The following PSEN1 variants were observed in gnomAD, a reference collection of about 807,000 sequenced individuals.
PSEN1 encodes the protein presenilin-1.
Under a neutral mutation model 53.5 loss-of-function variants are expected in PSEN1, and 15 were observed. The observed-to-expected ratio is 0.28, with a 90% confidence interval of 0.19 to 0.43. The LOEUF (loss-of-function observed/expected upper bound fraction) is 0.43, where lower values mean the gene tolerates loss of function less well. PSEN1 is among the 20% of genes least tolerant of loss of function. The probability of loss-of-function intolerance (pLI) is 1.00; values close to 1 mark genes in which losing one functional copy is unlikely to be tolerated. For missense variants in PSEN1, 387 were observed against 571.2 expected (o/e 0.68, Z 3.29); for synonymous variants, 208 against 209.8 (o/e 0.99, Z 0.08).
Position 73,140,807 on chromosome 14 carries a change from T to C in PSEN1, c.-136+4224T>C, listed in dbSNP as rs993322534. On this transcript the variant is annotated intron_variant, in intron 1 of 11. Transcript: ENST00000324501. ...TTTTATTGCATTTTCTGAGCCAACA[T>C]AACCATTATTTAAAAACAAGTTGCT... Among the ~76,000 whole-genome samples the C allele has an allele frequency of 2.6e-5, 4 of 152,314 alleles. No individual in the cohort carries two copies. In the East Asian group the frequency reaches 7.7e-4, roughly 29 times the overall value.
intron 6 of PSEN1, among the ~76,000 whole-genome samples, chr14:73,187,268 A>G (rs1375709174): frequency 6.6e-6 from 1 of 152,194 alleles, no homozygotes; most frequent in Admixed American, 6.5e-5. Flanking sequence ...ATACTTCTAT[A>G]TTGTTTTTTA....
At chr14:73,164,971 T>C (rs1897664449) in intron 3 of PSEN1, among the ~76,000 whole-genome samples, 1 of 152,234 alleles carries the variant, frequency 6.6e-6, no homozygotes, top group African/African-American at 2.4e-5. Flanking sequence ...TTTTGTTTTT[T>C]TTTGAGACGG....
intron 1 of PSEN1, among the ~76,000 whole-genome samples, chr14:73,142,066 CAA>C (rs763426257): frequency 2.7e-4 from 23 of 83,844 alleles, no homozygotes; most frequent in Admixed American, 2.6e-4. Context: ...GACTCCGTCT[CAA>C]AAAAAAAAAA....
rs398043836 is a variant in PSEN1, at chr14:73,212,088, C to CTT, written c.1129+186_1129+187dup. The CTT allele has an allele frequency of 1.8e-4, 13 of 70,568 alleles. 1 individual carries two copies. The highest frequency in any genetic ancestry group is 2.9e-4 in the Non-Finnish European group (11 of 37,888). The allele number at this position is 70,568 out of a possible 1,614,324, so 4.4% of individuals were successfully genotyped here. Reference sequence around the variant, plus strand: ...TTATTTGGATATATCAGTAATAGTGCTTTTTTTTTTTTTTTTTTTTTTTTT... The same window carrying CTT: ...TTATTTGGATATATCAGTAATAGTGCTTTTTTTTTTTTTTTTTTTTTTTTTTT... On this transcript the variant is annotated intron_variant, in intron 10 of 11. Coordinates refer to ENST00000324501, the MANE Select transcript of PSEN1 (RefSeq NM_000021.4).
Position 73,219,353 on chromosome 14 carries a change from A to G in PSEN1, c.*64A>G, listed in dbSNP as rs1056637181. On this transcript the variant is annotated 3_prime_UTR_variant, in exon 12 of 12. Transcript: ENST00000324501. ...GACTATAACAAAATCTGGGGAGGAC[A>G]AAGGTGATTTTCCTGTGTCCACATC... The G allele has an allele frequency of 5.3e-6, 8 of 1,523,696 alleles. No homozygotes were observed. In the African/African-American group the frequency reaches 1.1e-4, roughly 21 times the overall value. 94.4% of individuals were successfully genotyped at this position (1,523,696 alleles called of 1,614,324 possible). A position where few individuals can be genotyped will look rare whatever the true frequency, so the allele number is the denominator to read the frequency against.
At chr14:73,206,341 C>T (rs1415817376) in intron 8 of PSEN1, 45 bp from the exon 9 acceptor site, 1 of 1,396,160 alleles carries the variant, frequency 7.2e-7, no homozygotes, top group Non-Finnish European at 1.0e-6. Flanking sequence ...TCTATGCATA[C>T]TTTGTGTGTC....
chr14:73,210,007 T>C (rs75234948), intron 9 of PSEN1, among the ~76,000 whole-genome samples: 2,517 of 152,318 alleles, frequency 0.017, 55 homozygotes, highest in East Asian at 0.061. Context: ...ATCCTAGTTA[T>C]TTCCAAACAC....
At chr14:73,215,844 T>C (rs1293220237) in intron 10 of PSEN1, among the ~76,000 whole-genome samples, 1 of 152,194 alleles carries the variant, frequency 6.6e-6, no homozygotes, top group Non-Finnish European at 1.5e-5. Context: ...CAATTGTTGC[T>C]GGTGGAAATT....
rs374165198 is a variant in PSEN1 at position 73,144,063 on chromosome 14, T to TG, written c.-135-3730dup. Among the ~76,000 whole-genome samples the TG allele has an allele frequency of 5.3e-3, 626 of 118,422 alleles. 10 individuals carry two copies. The highest frequency in any genetic ancestry group is 0.019 in the African/African-American group (596 of 31,096). 77.7% of individuals were successfully genotyped at this position (118,422 alleles called of 152,430 possible). On this transcript the variant is annotated intron_variant, in intron 1 of 11. Transcript: ENST00000324501. ...TTTTTTTTTTTTTTTTTTTTTGAGA[T>TG]GGAGTCTCACTCTGTCACCCAGGCA...
At chr14:73,144,956 A>G (rs545308120) in intron 1 of PSEN1, among the ~76,000 whole-genome samples, 112 of 152,238 alleles carry the variant, frequency 7.4e-4, no homozygotes, top group Non-Finnish European at 4.9e-4. Context: ...GCAGTGGCGC[A>G]ATCTTGCTTC....
At chr14:73,209,598 G>T (rs1899596976) in intron 9 of PSEN1, among the ~76,000 whole-genome samples, 2 of 152,180 alleles carry the variant, frequency 1.3e-5, no homozygotes, top group African/African-American at 4.8e-5. Flanking sequence ...AGTCTATTTG[G>T]AGAGATAGAT....
At chr14:73,201,039 G>A (rs1258978744) in intron 8 of PSEN1, among the ~76,000 whole-genome samples, 1 of 151,902 alleles carries the variant, frequency 6.6e-6, no homozygotes, top group East Asian at 1.9e-4. Context: ...TGACAGCAAG[G>A]CTTCATCCCC....
At chr14:73,208,503 G>A (rs914880565) in intron 9 of PSEN1, among the ~76,000 whole-genome samples, 16 of 151,936 alleles carry the variant, frequency 1.1e-4, no homozygotes, top group African/African-American at 2.9e-4. Flanking sequence ...GAGGAGACCC[G>A]GAATGGGTAT....
chr14:73,213,564 A>T (rs1899789478), intron 10 of PSEN1, among the ~76,000 whole-genome samples: 1 of 152,212 alleles, frequency 6.6e-6, no homozygotes, highest in South Asian at 2.1e-4. Context: ...TGAGCATGTT[A>T]AACCAGACTT....
At position 73,219,242 on chromosome 14, in the gene PSEN1, G is replaced by T. The variant is rs1064797190; in HGVS notation, c.1357G>T (p.Val453Leu). 1 of 1,613,708 alleles carries T rather than the reference G, an allele frequency of 6.2e-7. No individual in the cohort carries two copies. Residue 453 changes from valine (V) to leucine (L), a missense_variant, in exon 12 of 12, where the codon GTA becomes TTA. Around this residue, in one of 4 missense-constraint regions of PSEN1, gnomAD observed 44 missense variants for 106.3 expected, o/e 0.41. Coordinates refer to ENST00000324501, the MANE Select transcript of PSEN1 (RefSeq NM_000021.4). ...TTTCTACTTTGCCACAGATTATCTT[G>T]TACAGCCTTTTATGGACCAATTAGC... ...LVFYFATDYLVQPFMDQLAFH... is the reference protein window; with the variant it reads ...LVFYFATDYLLQPFMDQLAFH...
At chr14:73,150,046 T>C (rs1394011606) in intron 3 of PSEN1, among the ~76,000 whole-genome samples, 2 of 152,224 alleles carry the variant, frequency 1.3e-5, no homozygotes, top group Non-Finnish European at 2.9e-5. Context: ...TTGTGTTTGT[T>C]TTTTTAGCCC....
intron 5 of PSEN1, among the ~76,000 whole-genome samples, chr14:73,185,002 A>G (rs1344749168): frequency 2.7e-5 from 4 of 146,140 alleles, no homozygotes; most frequent in Non-Finnish European, 6.0e-5. Flanking sequence ...CACATCTCAG[A>G]CGATGGGCGG....
chr14:73,176,964 GTTACCA>G (rs1197215343), intron 5 of PSEN1, among the ~76,000 whole-genome samples: 1 of 152,180 alleles, frequency 6.6e-6, no homozygotes, highest in Non-Finnish European at 1.5e-5. Context: ...GTATCATGTG[GTTACCA>G]GTTTTTCCTT....
chr14:73,184,395 C>G (rs1171109841), intron 5 of PSEN1, among the ~76,000 whole-genome samples: 28 of 102,360 alleles, frequency 2.7e-4, no homozygotes, highest in African/African-American at 9.7e-4. Flanking sequence ...GGGGGGCTGA[C>G]CCCCCCACCT....
Sources: allele counts gnomAD v4.1 joint callset (sites outside exome capture counted in the v4.1 genomes callset), GRCh38; gene constraint gnomAD v4.1.1; regional missense constraint gnomAD v4.1.1; transcripts MANE v1.5; gene names NCBI Gene and HGNC (gene_info 2026-07-23, HGNC 2026-07-21).